Variants in MBOAT1 observed in about 807,000 individuals in gnomAD.
The protein encoded by MBOAT1 is membrane-bound glycerophospholipid O-acyltransferase 1.
MBOAT1 carries 67 observed loss-of-function variants against 64.4 expected under a neutral mutation model. The observed-to-expected ratio is 1.04, with a 90% CI of 0.85 to 1.27. MBOAT1 has a LOEUF of 1.27. Among genes scored for constraint, MBOAT1 ranks in the 50% most tolerant of loss-of-function variants. The pLI is 0.00. For synonymous variants in MBOAT1, 229 were observed against 218.9 expected, an observed-to-expected ratio of 1.05 and a Z score of -0.41; for missense variants, 563 against 604.6, an observed-to-expected ratio of 0.93 and a Z score of 0.72.
At chr6:20,206,900 C>T (rs573784818) in intron 1 of MBOAT1, among the ~76,000 whole-genome samples, 2 of 152,248 alleles carry the variant, frequency 1.3e-5, no homozygotes, top group Non-Finnish European at 2.9e-5. Flanking sequence ...AGCCCTCCAG[C>T]TCTCTCACTT....
In MBOAT1 at chr6:20,210,329, G is replaced by C. The variant is rs192796192; in HGVS notation, c.99+1807C>G. ...TTTAAAAAGCCTTAAAAATGTGAAA[G>C]GGAAAAAACACACAAAGCTTCCAAA... On this transcript the variant is annotated intron_variant, in intron 1 of 12. Transcript: ENST00000324607. Among the ~76,000 whole-genome samples the C allele has an allele frequency of 4.9e-3, 739 of 152,236 alleles. 9 individuals are homozygous for C. Among genetic ancestry groups the C allele is most frequent in the African/African-American group, 0.017 (703 of 41,542 alleles).
intron 11 of MBOAT1, among the ~76,000 whole-genome samples, chr6:20,110,319 C>T (rs2113629550): frequency 6.6e-6 from 1 of 151,022 alleles, no homozygotes; most frequent in East Asian, 2.0e-4. Flanking sequence ...CTCAAGTGAT[C>T]TTCCCACCTC....
chr6:20,181,788 C>G (rs928040267), intron 1 of MBOAT1, among the ~76,000 whole-genome samples: 5 of 152,158 alleles, frequency 3.3e-5, no homozygotes, highest in Admixed American at 3.3e-4. Flanking sequence ...ACTGTGTTTC[C>G]CAATATACAG....
intron 2 of MBOAT1, among the ~76,000 whole-genome samples, chr6:20,152,005 G>A (rs1311016549): frequency 2.0e-5 from 3 of 152,110 alleles, no homozygotes; most frequent in African/African-American, 7.2e-5. Context: ...ATGATTGGGA[G>A]GGATCTGTAG....
chr6:20,142,878 G>T (rs372965828), intron 4 of MBOAT1, among the ~76,000 whole-genome samples: 26 of 152,202 alleles, frequency 1.7e-4, no homozygotes, highest in African/African-American at 5.8e-4. Context: ...CTGAGGGTAA[G>T]AAGAACTTAT....
At chr6:20,151,063 G>A (rs1388065350) in intron 3 of MBOAT1, 122 bp downstream of exon 3, 2 of 651,232 alleles carry the variant, frequency 3.1e-6, no homozygotes, top group East Asian at 5.5e-5. Context: ...TGATATTCTA[G>A]ATAAACTAAG....
chr6:20,136,041 CT>C (rs1760981374), intron 4 of MBOAT1, among the ~76,000 whole-genome samples: 1 of 152,214 alleles, frequency 6.6e-6, no homozygotes, highest in South Asian at 2.1e-4. Flanking sequence ...CCTCCCCACA[CT>C]CCCTGAATGA....
chr6:20,163,124 G>A (rs561962942), intron 1 of MBOAT1, among the ~76,000 whole-genome samples: 153 of 152,256 alleles, frequency 1.0e-3, no homozygotes, highest in Non-Finnish European at 1.7e-3. Context: ...TTTAGGCTTC[G>A]AGGCAAGAAA....
intron 1 of MBOAT1, among the ~76,000 whole-genome samples, chr6:20,188,518 G>C (rs1365911119): frequency 6.6e-6 from 1 of 152,176 alleles, no homozygotes; most frequent in Admixed American, 6.5e-5. Context: ...TGAGGTTGGA[G>C]GGAAAGTTTA....
At chr6:20,135,483 T>G (rs1250403177) in intron 4 of MBOAT1, among the ~76,000 whole-genome samples, 4 of 152,200 alleles carry the variant, frequency 2.6e-5, no homozygotes, top group Non-Finnish European at 4.4e-5. Context: ...AATTTATCTT[T>G]AAAACATTAA....
At chr6:20,207,073 T>A (rs1486843827) in intron 1 of MBOAT1, among the ~76,000 whole-genome samples, 2 of 152,218 alleles carry the variant, frequency 1.3e-5, no homozygotes, top group Non-Finnish European at 2.9e-5. Context: ...AAGGAGCTGC[T>A]GAAAGAAAAA....
At chr6:20,106,982 T>C (rs184997664) in intron 12 of MBOAT1, among the ~76,000 whole-genome samples, 196 of 152,326 alleles carry the variant, frequency 1.3e-3, no homozygotes, top group African/African-American at 4.6e-3. Context: ...TATGCTTTAG[T>C]TGGTTAAACA....
chr6:20,187,702 A>C (rs534477), intron 1 of MBOAT1, among the ~76,000 whole-genome samples: 61,799 of 152,152 alleles, frequency 0.41, 14,075 homozygotes, highest in Admixed American at 0.57. Flanking sequence ...ATGGTCAGGT[A>C]AAGAAGGGAA....
At chr6:20,111,839 T>TATATATACATATATATATAC (rs1760161662) in intron 11 of MBOAT1, among the ~76,000 whole-genome samples, 2 of 133,048 alleles carry the variant, frequency 1.5e-5, no homozygotes, top group African/African-American at 3.0e-5. Context: ...TATATACACA[T>TATATATACATATATATATAC]ATATATACAT....
intron 3 of MBOAT1, among the ~76,000 whole-genome samples, chr6:20,150,175 T>G (rs79905609): frequency 0.019 from 2,861 of 152,268 alleles, 29 homozygotes; most frequent in Non-Finnish European, 0.029. Flanking sequence ...GCATGCTGCC[T>G]CCAAGGTAGA....
intron 7 of MBOAT1, 147 bp downstream of exon 7, chr6:20,126,370 A>G (rs1389148656): frequency 1.4e-6 from 1 of 718,158 alleles, no homozygotes; most frequent in East Asian, 2.6e-5. Context: ...ACTGCTGCAA[A>G]TAAGTAACTA....
At chr6:20,158,960 A>T (rs1761770955) in intron 1 of MBOAT1, among the ~76,000 whole-genome samples, 1 of 152,200 alleles carries the variant, frequency 6.6e-6, no homozygotes, top group Admixed American at 6.5e-5. Context: ...ACGCCAGCAC[A>T]CTGTCAGGAG....
intron 1 of MBOAT1, among the ~76,000 whole-genome samples, chr6:20,197,250 G>A (rs1308257297): frequency 1.3e-5 from 2 of 152,080 alleles, no homozygotes; most frequent in African/African-American, 4.8e-5. Context: ...CCAGTGAAAG[G>A]AAAATAAATT....
At position 20,109,694 on chromosome 6, in the gene MBOAT1, T is replaced by C; in HGVS notation, c.1265A>G (p.Tyr422Cys). ...AGTGACGGCCCAGGTGCCTGCATCA[T>C]ACACAGCCTTGAGAGCTCTTGAAGA... ...FLSSRALKAV[Y>C]DAGTWAVTQL... is the part of the protein sequence containing the mutation. The change falls in exon 12 of 13, where the codon TAT (tyrosine) becomes TGT (cysteine). Residue 422 changes from tyrosine to cysteine, a missense_variant. Physicochemically the swap from Tyr to Cys is radical, Grantham distance 194. Transcript: ENST00000324607. 2.5e-6 allele frequency: 4 copies of C among 1,614,176 alleles called. No homozygotes were observed. The highest frequency in any genetic ancestry group is 2.2e-5 in the East Asian group (1 of 44,880).
Sources: allele counts gnomAD v4.1 joint callset (sites outside exome capture counted in the v4.1 genomes callset), GRCh38; gene constraint gnomAD v4.1.1; transcripts MANE v1.5; gene names NCBI Gene and HGNC (gene_info 2026-07-23, HGNC 2026-07-21).